The following MTCL1 variants were observed in gnomAD, a reference collection of about 807,000 sequenced individuals.
The protein encoded by MTCL1 is microtubule crosslinking factor 1.
A neutral mutation model predicts 141.4 loss-of-function variants in MTCL1; 79 were observed. The ratio of observed to expected loss-of-function variants is 0.56; its 90% confidence interval spans 0.47 to 0.67. The LOEUF (loss-of-function observed/expected upper bound fraction) is 0.67, where lower values mean the gene tolerates loss of function less well. Ranked by LOEUF, MTCL1 falls within the 30% of genes least tolerant of loss-of-function variation. The pLI, the probability that MTCL1 is intolerant of heterozygous loss-of-function variation, is 0.00. For synonymous variants in MTCL1, 914 were observed against 875.8 expected (o/e 1.04, Z -0.77); for missense variants, 2,177 against 2,113.9 (o/e 1.03, Z -0.59).
intron 4 of MTCL1, among the ~76,000 whole-genome samples, chr18:8,744,201 C>A (rs985676447): frequency 1.3e-5 from 2 of 152,232 alleles, no homozygotes; most frequent in African/African-American, 4.8e-5. Flanking sequence ...CCACTGGCAC[C>A]CTTTCCGCCG....
intron 8 of MTCL1, among the ~76,000 whole-genome samples, chr18:8,795,486 T>A (rs1400530739): frequency 6.6e-6 from 1 of 152,378 alleles, no homozygotes; most frequent in Admixed American, 6.5e-5. Flanking sequence ...CTTTTTAGTA[T>A]TGATACACAA....
intron 12 of MTCL1, among the ~76,000 whole-genome samples, chr18:8,816,631 A>G (rs1447327202): frequency 6.6e-6 from 1 of 152,180 alleles, no homozygotes; most frequent in African/African-American, 2.4e-5. Context: ...TTGTCAAGCA[A>G]AAAGGGTCAT....
chr18:8,740,685 G>T (rs966884519), intron 4 of MTCL1, among the ~76,000 whole-genome samples: 1 of 152,154 alleles, frequency 6.6e-6, no homozygotes, highest in Non-Finnish European at 1.5e-5. Context: ...ATTTCACCAT[G>T]TTGGCCAGAC....
In MTCL1 at chr18:8,810,950, G is replaced by C. The variant is rs1394943724; in HGVS notation, c.2605-2029G>C. On this transcript the variant is annotated intron_variant, in intron 11 of 16. Transcript: ENST00000359865. This position sits in a 1 kb window ranked among gnomAD's most constrained non-coding sequence, Gnocchi z 5.0. ...GCTCTCCCCGCTTAATGAAGCATTTGCCTTTATTACAGAGGCGAGATTCGA... is the reference window on the plus strand; with the variant it reads ...GCTCTCCCCGCTTAATGAAGCATTTCCCTTTATTACAGAGGCGAGATTCGA... Among the ~76,000 whole-genome samples, 1 of 152,072 alleles carries C rather than the reference G, an allele frequency of 6.6e-6. No homozygotes were observed. The highest frequency in any genetic ancestry group is 1.5e-5 in the Non-Finnish European group (1 of 68,034).
chr18:8,785,628 C>T (rs780802899), intron 6 of MTCL1: 29 of 346,258 alleles, frequency 8.4e-5, no homozygotes, highest in Non-Finnish European at 1.2e-4. Flanking sequence ...ATTCACGCAT[C>T]GCCATCGCAT....
At chr18:8,767,430 C>A (rs2149033071) in intron 4 of MTCL1, among the ~76,000 whole-genome samples, 1 of 152,294 alleles carries the variant, frequency 6.6e-6, no homozygotes. Flanking sequence ...GTGGAAGAGT[C>A]TCTTGGATAG....
intron 7 of MTCL1, among the ~76,000 whole-genome samples, chr18:8,788,543 G>A (rs1251506192): frequency 1.3e-5 from 2 of 152,204 alleles, no homozygotes; most frequent in Non-Finnish European, 2.9e-5. Flanking sequence ...AAAGATTGAG[G>A]CATTTTGGCC....
At chr18:8,726,084 C>T (rs540421842) in intron 4 of MTCL1, among the ~76,000 whole-genome samples, 6 of 150,472 alleles carry the variant, frequency 4.0e-5, no homozygotes. Context: ...AGCCACCGCG[C>T]CTGGTCTTGA....
chr18:8,751,703 A>T (rs1277208031), intron 4 of MTCL1, among the ~76,000 whole-genome samples: 1 of 152,200 alleles, frequency 6.6e-6, no homozygotes, highest in African/African-American at 2.4e-5. Context: ...TGGGGGGTAC[A>T]GTTGAAGTGA....
chr18:8,780,227 G>A (rs751448382), intron 5 of MTCL1, among the ~76,000 whole-genome samples: 14 of 152,344 alleles, frequency 9.2e-5, no homozygotes, highest in Middle Eastern at 3.4e-3. Flanking sequence ...TGAACAAGGA[G>A]GGACCAGGCA....
chr18:8,784,907 G>A, intron 6 of MTCL1, 64 bp downstream of exon 5: 1 of 1,416,748 alleles, frequency 7.1e-7, no homozygotes, highest in Non-Finnish European at 9.5e-7. Context: ...CGCTGGCATT[G>A]CTGCACTCGG....
intron 8 of MTCL1, 78 bp from the exon 8 acceptor site, chr18:8,796,154 T>C (rs2075910614): frequency 7.0e-7 from 1 of 1,437,236 alleles, no homozygotes; most frequent in African/African-American, 1.4e-5. Flanking sequence ...GAGTGGCAGT[T>C]TGCAGGGACT....
chr18:8,756,353 GTATATATGTATATATGTGTA>G (rs1324991926), intron 4 of MTCL1, among the ~76,000 whole-genome samples: 9 of 149,794 alleles, frequency 6.0e-5, no homozygotes, highest in African/African-American at 2.2e-4. Context: ...ATATATATGT[GTATATATGTATATATGTGTA>G]TATATGTATA....
chr18:8,756,602 T>G (rs1039707124), intron 4 of MTCL1, among the ~76,000 whole-genome samples: 8 of 151,770 alleles, frequency 5.3e-5, no homozygotes, highest in Admixed American at 1.3e-4. Flanking sequence ...TAGGTGGAGT[T>G]TCAGGAATGT....
At chr18:8,720,575 T>G in intron 4 of MTCL1, 79 bp downstream of exon 3, 1 of 1,429,986 alleles carries the variant, frequency 7.0e-7, no homozygotes, top group Non-Finnish European at 9.4e-7. Flanking sequence ...CCCTTCTCAT[T>G]GTGGTCGAAA....
intron 5 of MTCL1, among the ~76,000 whole-genome samples, chr18:8,781,860 G>T (rs958082786): frequency 2.0e-5 from 3 of 152,188 alleles, no homozygotes; most frequent in Non-Finnish European, 2.9e-5. Flanking sequence ...TTTGTCCTCA[G>T]CTAAGAGATG....
Position 8,794,294 on chromosome 18 carries a change from G to A in MTCL1, c.2010+1174G>A, listed in dbSNP as rs554442201. 1.6e-4 allele frequency among the ~76,000 whole-genome samples: 24 copies of A among 152,278 alleles called. No homozygotes were observed. In the South Asian group the frequency reaches 4.6e-3, roughly 29 times the overall value. ...TGGGTTAATGATGAAGGAGTATTGC[G>A]GAAGAGGCTTCGGATGGTAGGAGAT... On this transcript the variant is annotated intron_variant, in intron 8 of 16. Transcript: ENST00000359865.
At chr18:8,823,803 A>T (rs2076923497) in intron 14 of MTCL1, among the ~76,000 whole-genome samples, 1 of 152,220 alleles carries the variant, frequency 6.6e-6, no homozygotes, top group South Asian at 2.1e-4. Flanking sequence ...GTACCAGCGC[A>T]CACGGTACAG....
chr18:8,757,409 G>C (rs544868929), intron 4 of MTCL1, among the ~76,000 whole-genome samples: 1 of 152,170 alleles, frequency 6.6e-6, no homozygotes, highest in Non-Finnish European at 1.5e-5. Context: ...CAACCAAGGA[G>C]ACCCCCCAGA....
Sources: gnomAD v4.1 joint callset for allele counts (sites outside exome capture counted in the v4.1 genomes callset) on GRCh38, gnomAD v4.1.1 for gene constraint, Gnocchi (gnomAD v3.1) non-coding constraint, MANE v1.5 for transcripts, NCBI Gene and HGNC (gene_info 2026-07-23, HGNC 2026-07-21) for gene names.